SETBP1: variants seen among roughly 807,000 people sequenced by gnomAD.
The protein encoded by SETBP1 is SET-binding protein.
SETBP1 carries 9 observed loss-of-function variants against 101.0 expected under a neutral mutation model. The ratio of observed to expected loss-of-function variants is 0.09; its 90% CI spans 0.05 to 0.16. The LOEUF is 0.16. Among genes scored for constraint, SETBP1 ranks in the 10% least tolerant of loss-of-function variants. The probability of loss-of-function intolerance (pLI) is 1.00; values close to 1 mark genes in which losing one functional copy is unlikely to be tolerated. For missense variants in SETBP1, 1,858 were observed against 2,033.8 expected (o/e 0.91, Z 1.66); for synonymous variants, 818 against 788.5 (o/e 1.04, Z -0.63).
chr18:45,016,472 G>C (rs559664929), intron 4 of SETBP1, among the ~76,000 whole-genome samples: 1 of 152,078 alleles, frequency 6.6e-6, no homozygotes, highest in Non-Finnish European at 1.5e-5. Flanking sequence ...CTGTCGCGGC[G>C]GAACCTTCTG....
At chr18:44,900,217 CT>C in intron 3 of SETBP1, among the ~76,000 whole-genome samples, 1 of 152,326 alleles carries the variant, frequency 6.6e-6, no homozygotes, top group Non-Finnish European at 1.5e-5. Context: ...GGTCTTCCCC[CT>C]GACTTGCTAT....
chr18:44,949,303 G>T (rs16978237), intron 3 of SETBP1, among the ~76,000 whole-genome samples: 15,720 of 152,264 alleles, frequency 0.1, 1,043 homozygotes, highest in Admixed American at 0.21. Flanking sequence ...TGAGCTACTT[G>T]TACAGAGATG....
chr18:44,871,816 G>T (rs1275348005), intron 3 of SETBP1: 4 of 152,144 alleles, frequency 2.6e-5, no homozygotes, highest in Admixed American at 1.3e-4. Flanking sequence ...GTTTTCTAGG[G>T]TATTGTGTTT....
chr18:44,996,852 G>T (rs899203019), intron 4 of SETBP1, among the ~76,000 whole-genome samples: 1 of 152,172 alleles, frequency 6.6e-6, no homozygotes, highest in Non-Finnish European at 1.5e-5. Context: ...AGAAGGAAAA[G>T]ATATGAGGCT....
chr18:44,782,564 G>A (rs999689220), intron 2 of SETBP1, among the ~76,000 whole-genome samples: 12 of 152,168 alleles, frequency 7.9e-5, no homozygotes, highest in African/African-American at 2.9e-4. Flanking sequence ...TCTAGGTGGG[G>A]TGTGTTGTTT....
intron 3 of SETBP1, among the ~76,000 whole-genome samples, chr18:44,884,258 A>T (rs1043450110): frequency 1.3e-5 from 2 of 152,228 alleles, no homozygotes; most frequent in African/African-American, 4.8e-5. Flanking sequence ...GTTCTCATGC[A>T]TGCAATGGAG....
At chr18:44,853,607 A>C (rs2072915318) in intron 2 of SETBP1, among the ~76,000 whole-genome samples, 2 of 152,250 alleles carry the variant, frequency 1.3e-5, no homozygotes, top group Non-Finnish European at 2.9e-5. Flanking sequence ...GCTACTAAGC[A>C]TGTGTTACTT....
chr18:44,936,567 C>T (rs1359407249), intron 3 of SETBP1, among the ~76,000 whole-genome samples: 1 of 152,176 alleles, frequency 6.6e-6, no homozygotes, highest in African/African-American at 2.4e-5. Flanking sequence ...CATGTCTCGA[C>T]CACGGGGAAG....
chr18:45,051,322 A>G (rs116746276), intron 5 of SETBP1, among the ~76,000 whole-genome samples: 1,681 of 152,324 alleles, frequency 0.011, 39 homozygotes, highest in South Asian at 0.069. Context: ...TATACTTGAA[A>G]AAAAGAAAAA....
intron 2 of SETBP1, among the ~76,000 whole-genome samples, chr18:44,851,393 G>A (rs2072859547): frequency 6.6e-6 from 1 of 152,208 alleles, no homozygotes; most frequent in African/African-American, 2.4e-5. Context: ...TCTGGGCTGA[G>A]ATCTTGCTGT....
rs147442959 is a variant in SETBP1 at position 44,807,432 on chromosome 18, A to G, written c.487-61798A>G. On this transcript the variant is annotated intron_variant, in intron 2 of 5. Transcript: ENST00000649279. ...TCCTATTTTAAATTATCCATGTGCC[A>G]TTGTAGAGACATTTCCATTCATATT... Among the ~76,000 whole-genome samples the G allele has an allele frequency of 7.2e-3, 1,096 of 152,200 alleles. 13 individuals carry two copies. The highest frequency in any genetic ancestry group is 0.025 in the African/African-American group (1,019 of 41,528).
intron 5 of SETBP1, among the ~76,000 whole-genome samples, chr18:45,041,170 T>C (rs182344123): frequency 2.0e-5 from 3 of 152,338 alleles, no homozygotes; most frequent in African/African-American, 7.2e-5. Flanking sequence ...ACTTCTGTCA[T>C]AGTCCCAACA....
chr18:45,017,977 ACAGTGTCAC>A (rs1324833652), intron 4 of SETBP1, among the ~76,000 whole-genome samples: 5 of 152,200 alleles, frequency 3.3e-5, no homozygotes, highest in Non-Finnish European at 7.3e-5. Context: ...CTGAGTTGGG[ACAGTGTCAC>A]CAACAATGTA....
Position 45,063,386 on chromosome 18 carries a change from G to C in SETBP1, c.4479G>C (p.Pro1493=), listed in dbSNP as rs952484603. Residue 1493 remains proline, a synonymous_variant, in exon 6 of 6, where the codon CCG becomes CCC. Transcript: ENST00000649279. ...GAGGCCAGAAGCCCAGCCTGAGCCC[G>C]CTGGTGCTGGAGCCCGCCGCCAGCC... ...SKRGQKPSLS[P]LVLEPAASQD... 16 of 1,554,048 alleles carry C rather than the reference G, an allele frequency of 1.0e-5. No individual in the cohort carries two copies. Among genetic ancestry groups the C allele is most frequent in the Non-Finnish European group, 1.2e-5 (14 of 1,150,324 alleles).
intron 2 of SETBP1, among the ~76,000 whole-genome samples, chr18:44,766,925 T>A (rs936959126): frequency 7.2e-5 from 11 of 152,208 alleles, no homozygotes; most frequent in Non-Finnish European, 1.3e-4. Context: ...ATGGATCTAT[T>A]ATAGTCCCTC....
chr18:44,785,395 C>G (rs561910656), intron 2 of SETBP1, among the ~76,000 whole-genome samples: 1 of 152,158 alleles, frequency 6.6e-6, no homozygotes, highest in East Asian at 1.9e-4. Context: ...ATGAATCTCT[C>G]GGTTATTAGA....
chr18:44,894,250 T>A (rs2069840136), intron 3 of SETBP1, among the ~76,000 whole-genome samples: 1 of 152,160 alleles, frequency 6.6e-6, no homozygotes, highest in Admixed American at 6.5e-5. Context: ...TTTTTCTGAG[T>A]GAATCTTGGC....
intron 2 of SETBP1, among the ~76,000 whole-genome samples, chr18:44,727,667 C>T (rs899035319): frequency 3.9e-5 from 6 of 152,164 alleles, no homozygotes; most frequent in Non-Finnish European, 5.9e-5. Context: ...ATCTCTACCA[C>T]CATCATAAAA....
In SETBP1 at chr18:44,945,225, A is replaced by G. The variant is rs148584610; in HGVS notation, c.541-4656A>G. On this transcript the variant is annotated intron_variant, in intron 3 of 5. Transcript: ENST00000649279. Reference sequence around the variant, plus strand: ...GAATGGGAGAAAATTTTTGCAATCTACTCAACTGACAAAGGGCTAATACCC... The same window carrying G: ...GAATGGGAGAAAATTTTTGCAATCTGCTCAACTGACAAAGGGCTAATACCC... Among the ~76,000 whole-genome samples, 875 of 152,266 alleles carry G rather than the reference A, an allele frequency of 5.7e-3. 11 individuals carry two copies. Among genetic ancestry groups the G allele is most frequent in the African/African-American group, 0.02 (814 of 41,548 alleles).
Sources: allele counts gnomAD v4.1 joint callset (sites outside exome capture counted in the v4.1 genomes callset), GRCh38; gene constraint gnomAD v4.1.1; transcripts MANE v1.5; gene names NCBI Gene and HGNC (gene_info 2026-07-23, HGNC 2026-07-21).